Variants in CHMP4B observed in about 807,000 individuals in gnomAD.
The protein encoded by CHMP4B is SNF7 homolog associated with Alix 1.
In CHMP4B, 1 loss-of-function variant was observed where a neutral mutation model predicts 25.1. The observed-to-expected ratio is 0.04, with a 90% CI of 0.01 to 0.19. The LOEUF is 0.19. Among genes scored for constraint, CHMP4B ranks in the 10% least tolerant of loss-of-function variants. The pLI is 1.00. For synonymous variants in CHMP4B, 101 were observed against 115.6 expected, an observed-to-expected ratio of 0.87 and a Z score of 0.81; for missense variants, 151 against 289.7, an observed-to-expected ratio of 0.52 and a Z score of 3.48.
chr20:33,815,417 T>C (rs2122780234), intron 1 of CHMP4B, among the ~76,000 whole-genome samples: 1 of 152,232 alleles, frequency 6.6e-6, no homozygotes, highest in Non-Finnish European at 1.5e-5. Context: ...GGTGATTTGT[T>C]GTAATTGTGG....
At chr20:33,847,736 A>T (rs1236002731) in intron 1 of CHMP4B, among the ~76,000 whole-genome samples, 1 of 152,132 alleles carries the variant, frequency 6.6e-6, no homozygotes, top group Non-Finnish European at 1.5e-5. Flanking sequence ...GTTTTCGATG[A>T]TGGAGGATGC....
At chr20:33,823,782 T>A (rs969154060) in intron 1 of CHMP4B, among the ~76,000 whole-genome samples, 1 of 152,090 alleles carries the variant, frequency 6.6e-6, no homozygotes, top group Non-Finnish European at 1.5e-5. Flanking sequence ...TGACCTCAGG[T>A]GATTCACTCG....
chr20:33,843,875 T>C (rs1348557274), intron 1 of CHMP4B, among the ~76,000 whole-genome samples: 3 of 152,252 alleles, frequency 2.0e-5, no homozygotes, highest in African/African-American at 4.8e-5. Flanking sequence ...ATTTTCAAGG[T>C]AACTTTACTC....
chr20:33,841,250 T>A (rs1201005040), intron 1 of CHMP4B, among the ~76,000 whole-genome samples: 1 of 152,234 alleles, frequency 6.6e-6, no homozygotes, highest in Non-Finnish European at 1.5e-5. Flanking sequence ...TCTGATTTCC[T>A]GGTCATACAC....
intron 1 of CHMP4B, among the ~76,000 whole-genome samples, chr20:33,837,286 G>C (rs1979417721): frequency 6.6e-6 from 1 of 152,120 alleles, no homozygotes. Context: ...GGGAGGTGGA[G>C]GTTGCAGTGC....
At chr20:33,848,959 G>A (rs1568611767) in intron 2 of CHMP4B, among the ~76,000 whole-genome samples, 1 of 152,148 alleles carries the variant, frequency 6.6e-6, no homozygotes, top group South Asian at 2.1e-4. Flanking sequence ...TCCCAGAGAG[G>A]GAAGCGGATT....
chr20:33,847,306 G>C (rs1979713875), intron 1 of CHMP4B, among the ~76,000 whole-genome samples: 1 of 151,834 alleles, frequency 6.6e-6, no homozygotes, highest in African/African-American at 2.4e-5. Context: ...TTAAACAAAG[G>C]GACAGCTTTT....
intron 1 of CHMP4B, among the ~76,000 whole-genome samples, chr20:33,826,873 C>T (rs1191242698): frequency 6.6e-6 from 1 of 152,186 alleles, no homozygotes; most frequent in Admixed American, 6.5e-5. Context: ...TTGTGCATTT[C>T]ACTCCCAGCT....
chr20:33,812,035 C>G (rs537260021), intron 1 of CHMP4B, among the ~76,000 whole-genome samples: 2 of 152,230 alleles, frequency 1.3e-5, no homozygotes, highest in East Asian at 3.9e-4. Context: ...TGCCCCCATC[C>G]TAGCATTTCT....
At chr20:33,815,677 A>C (rs1189238645) in intron 1 of CHMP4B, among the ~76,000 whole-genome samples, 1 of 152,250 alleles carries the variant, frequency 6.6e-6, no homozygotes, top group Non-Finnish European at 1.5e-5. Context: ...TGCTTTGCAC[A>C]TGGTTAATGG....
intron 3 of CHMP4B, among the ~76,000 whole-genome samples, chr20:33,851,854 C>T (rs1322859816): frequency 6.6e-6 from 1 of 152,190 alleles, no homozygotes; most frequent in Non-Finnish European, 1.5e-5. Context: ...CAGTCTAGTG[C>T]AGGACACCAG....
At chr20:33,836,297 A>G (rs2122801157) in intron 1 of CHMP4B, among the ~76,000 whole-genome samples, 1 of 151,810 alleles carries the variant, frequency 6.6e-6, no homozygotes, top group East Asian at 1.9e-4. Context: ...CTGTCGTCCT[A>G]TATTCTTTAT....
chr20:33,850,899 C>T, intron 2 of CHMP4B, 53 bp from the exon 3 acceptor site: 1 of 1,326,720 alleles, frequency 7.5e-7, no homozygotes, highest in Non-Finnish European at 1.1e-6. Flanking sequence ...CCTTGCAGGC[C>T]CCCTTTACGC....
chr20:33,813,170 C>G (rs1455772027), intron 1 of CHMP4B, among the ~76,000 whole-genome samples: 4 of 150,300 alleles, frequency 2.7e-5, no homozygotes, highest in African/African-American at 2.4e-5. Flanking sequence ...GGGGGAGGAG[C>G]CTTCTGGGCG....
intron 1 of CHMP4B, among the ~76,000 whole-genome samples, chr20:33,825,868 A>G (rs1329423621): frequency 1.3e-5 from 2 of 152,222 alleles, no homozygotes; most frequent in African/African-American, 4.8e-5. Flanking sequence ...AGGGTCTCTG[A>G]AAAAGAGCCA....
chr20:33,821,271 C>T (rs1328812333), intron 1 of CHMP4B, among the ~76,000 whole-genome samples: 1 of 151,792 alleles, frequency 6.6e-6, no homozygotes, highest in Non-Finnish European at 1.5e-5. Context: ...CCTGTAATCC[C>T]AGCTACTTGA....
intron 1 of CHMP4B, among the ~76,000 whole-genome samples, chr20:33,814,719 G>C (rs1439994804): frequency 6.6e-6 from 1 of 152,220 alleles, no homozygotes; most frequent in Non-Finnish European, 1.5e-5. Context: ...CAGTGGTGCA[G>C]TTATAGCTCA....
At chr20:33,815,767 C>G (rs920786072) in intron 1 of CHMP4B, among the ~76,000 whole-genome samples, 3 of 152,168 alleles carry the variant, frequency 2.0e-5, no homozygotes, top group Non-Finnish European at 4.4e-5. Flanking sequence ...AAATGAGGCT[C>G]ACGACGGGAC....
In CHMP4B at chr20:33,827,433, T is replaced by C. The variant is rs1006153780; in HGVS notation, c.190+15775T>C. Among the ~76,000 whole-genome samples the C allele has an allele frequency of 2.0e-5, 3 of 152,268 alleles. 1 individual carries two copies. Among genetic ancestry groups the C allele is most frequent in the Admixed American group, 2.0e-4 (3 of 15,292 alleles). ...ATGGAGTAGCTCAGCCTTCATCTTA[T>C]CTGTTAATAGCTTAGGTACCTGCCT... On this transcript the variant is annotated intron_variant, in intron 1 of 4. Coordinates refer to ENST00000217402, the MANE Select transcript of CHMP4B (RefSeq NM_176812.5).
Sources: allele counts gnomAD v4.1 joint callset (sites outside exome capture counted in the v4.1 genomes callset), GRCh38; gene constraint gnomAD v4.1.1; transcripts MANE v1.5; gene names NCBI Gene and HGNC (gene_info 2026-07-23, HGNC 2026-07-21).